FBXO38: variants seen among roughly 807,000 people sequenced by gnomAD.
FBXO38 encodes F-box only protein 38.
In FBXO38, 53 loss-of-function variants were observed where a neutral mutation model predicts 131.9. That is an observed-to-expected ratio of 0.40 (90% CI 0.32 to 0.51). FBXO38 has a LOEUF of 0.51. FBXO38 is among the 20% of genes least tolerant of loss of function. The pLI, the probability that FBXO38 is intolerant of heterozygous loss-of-function variation, is 0.53. For synonymous variants in FBXO38, 452 were observed against 505.6 expected, an observed-to-expected ratio of 0.89 and a Z score of 1.42; for missense variants, 1,076 against 1,475.6, an observed-to-expected ratio of 0.73 and a Z score of 4.44.
chr5:148,393,515 T>A (rs775337099), intron 1 of FBXO38, among the ~76,000 whole-genome samples: 1 of 152,134 alleles, frequency 6.6e-6, no homozygotes, highest in Non-Finnish European at 1.5e-5. Context: ...CAATTGTCTT[T>A]CCCTCAGGAG....
intron 1 of FBXO38, among the ~76,000 whole-genome samples, chr5:148,385,840 A>T (rs1434298324): frequency 6.6e-6 from 1 of 152,180 alleles, no homozygotes; most frequent in Admixed American, 6.5e-5. Context: ...GAGAAACTTG[A>T]AGGGCAGGGA....
Position 148,442,062 on chromosome 5 carries a change from A to C in FBXO38, c.3482A>C (p.Lys1161Thr), listed in dbSNP as rs997254848. The change falls in exon 22 of 22, where the codon AAG (lysine) becomes ACG (threonine). Residue 1161 changes from lysine (K) to threonine (T), a missense_variant. By Grantham distance (78) the Lys-to-Thr change is moderately conservative (BLOSUM62 -1). This residue lies in a region of FBXO38 where 282 missense variants were observed against 418.8 expected (regional missense o/e 0.67). Transcript: ENST00000340253. The stretch of plus-strand genomic sequence containing the variant: ...GAAATTTCAGAGATGCGTCAGATGA[A>C]GAAGGGTGTATTTCAGCGAGTAGTG... ...GEEISEMRQM[K>T]KGVFQRVVAI... The C allele has an allele frequency of 1.9e-6, 3 of 1,614,004 alleles. No homozygotes were observed. The highest frequency in any genetic ancestry group is 1.3e-5 in the African/African-American group (1 of 74,924).
chr5:148,392,423 G>C (rs570633524), intron 1 of FBXO38, among the ~76,000 whole-genome samples: 1 of 152,230 alleles, frequency 6.6e-6, no homozygotes, highest in South Asian at 2.1e-4. Context: ...TGGGGAGGGG[G>C]AGGGTTCGTG....
chr5:148,429,577 T>C (rs1333738735), intron 15 of FBXO38, among the ~76,000 whole-genome samples: 1 of 152,230 alleles, frequency 6.6e-6, no homozygotes, highest in African/African-American at 2.4e-5. Flanking sequence ...GTAATATTTT[T>C]ATCAAGTTCC....
Position 148,413,645 on chromosome 5 carries a change from G to A in FBXO38, c.1094-491G>A, listed in dbSNP as rs913981623. ...TTTGAGTTAGAAGTGCACTTTTAGGGTATAGATAGATGTTACTAACCAGTG... is the reference window on the plus strand; with the variant it reads ...TTTGAGTTAGAAGTGCACTTTTAGGATATAGATAGATGTTACTAACCAGTG... On this transcript the variant is annotated intron_variant, in intron 9 of 21. Transcript: ENST00000340253. The A allele has an allele frequency of 3.3e-5, 5 of 152,312 alleles. No homozygotes were observed. The East Asian group carries it at 5.8e-4, about 18-fold the overall frequency. 9.4% of individuals were successfully genotyped at this position (152,312 alleles called of 1,614,324 possible).
chr5:148,399,261 C>A, intron 3 of FBXO38, 129 bp downstream of exon 3: 1 of 1,023,924 alleles, frequency 9.8e-7, no homozygotes, highest in Non-Finnish European at 1.4e-6. Flanking sequence ...AAGATTTTGT[C>A]TAAATTATTT....
Position 148,404,682 on chromosome 5 carries a change from T to C in FBXO38, c.593-3T>C. 6.4e-7 allele frequency: 1 copy of C among 1,564,204 alleles called. No homozygotes were observed. Among genetic ancestry groups the C allele is most frequent in the Non-Finnish European group, 8.6e-7 (1 of 1,158,904 alleles). On this transcript the variant is annotated splice_polypyrimidine_tract_variant and splice_region_variant and intron_variant, in intron 5 of 21. Transcript: ENST00000340253. Reference sequence around the variant, plus strand: ...TTTGTTCTTTTTTATATTTGTGTTTTAGGGGTGAATGTTCCTGAAATTCCT... The same window carrying C: ...TTTGTTCTTTTTTATATTTGTGTTTCAGGGGTGAATGTTCCTGAAATTCCT...
chr5:148,428,222 A>G (rs1753834570), intron 15 of FBXO38, among the ~76,000 whole-genome samples: 1 of 152,202 alleles, frequency 6.6e-6, no homozygotes, highest in South Asian at 2.1e-4. Context: ...ACACTGACTG[A>G]CACCTAAGCC....
At chr5:148,404,873 T>C in intron 6 of FBXO38, 51 bp downstream of exon 6, 1 of 1,508,602 alleles carries the variant, frequency 6.6e-7, no homozygotes, top group East Asian at 2.4e-5. Flanking sequence ...TCTAAAAATA[T>C]CCTGAAGCAA....
chr5:148,442,036 G>A lies in FBXO38; in HGVS notation c.3456G>A (p.Glu1152=), dbSNP rs1314390167. The A allele has an allele frequency of 1.7e-5, 28 of 1,613,980 alleles. No individual in the cohort carries two copies. Among genetic ancestry groups the A allele is most frequent in the Non-Finnish European group, 1.9e-5 (22 of 1,179,956 alleles). Residue 1152 remains glutamate (E), a synonymous_variant, in exon 22 of 22, where the codon GAG becomes GAA. Coordinates refer to ENST00000340253, the MANE Select transcript of FBXO38 (RefSeq NM_205836.3). ...ACATCTGTATGGAAACAATAGGAGAGGAAATTTCAGAGATGCGTCAGATGA... is the reference window on the plus strand; with the variant it reads ...ACATCTGTATGGAAACAATAGGAGAAGAAATTTCAGAGATGCGTCAGATGA... ...SADICMETIG[E]EISEMRQMKK... is the part of the protein sequence containing the mutation.
chr5:148,411,605 T>C (rs114436885), intron 9 of FBXO38, among the ~76,000 whole-genome samples: 1,943 of 152,238 alleles, frequency 0.013, 39 homozygotes, highest in African/African-American at 0.045. Context: ...TTCTAATATA[T>C]ATTACAATAA....
intron 1 of FBXO38, among the ~76,000 whole-genome samples, chr5:148,391,610 A>G (rs1420561969): frequency 6.6e-6 from 1 of 152,220 alleles, no homozygotes; most frequent in Non-Finnish European, 1.5e-5. Flanking sequence ...GTATACTGAG[A>G]GCAAGTGGTA....
In FBXO38 at chr5:148,425,586, T is replaced by G. The variant is rs1753668236; in HGVS notation, c.1803T>G (p.Asp601Glu). Residue 601 changes from aspartate (D) to glutamate (E), a missense_variant, in exon 14 of 22, where the codon GAT becomes GAG. Coordinates refer to ENST00000340253, the MANE Select transcript of FBXO38 (RefSeq NM_205836.3). ...TSITVHDSES[D>E]DEEDSLELQE... ...TTACTGTTCATGATTCAGAGAGTGA[T>G]GATGAAGAAGATAGTCTAGAACTCC... 1 of 1,613,606 alleles carries G rather than the reference T, an allele frequency of 6.2e-7. No individual in the cohort carries two copies. The highest frequency in any genetic ancestry group is 1.3e-5 in the African/African-American group (1 of 75,004).
In FBXO38 at chr5:148,410,629, T is replaced by A. The variant is rs1378918351; in HGVS notation, c.963-6T>A. 1 of 1,613,898 alleles carries A rather than the reference T, an allele frequency of 6.2e-7. No homozygotes were observed. Among genetic ancestry groups the A allele is most frequent in the Admixed American group, 1.7e-5 (1 of 59,952 alleles). On this transcript the variant is annotated splice_polypyrimidine_tract_variant and splice_region_variant and intron_variant, in intron 8 of 21. Coordinates refer to ENST00000340253, the MANE Select transcript of FBXO38 (RefSeq NM_205836.3). ...ACTCTGATATGTTCTCTGTCTTTAT[T>A]CACAGGTTACATGAAGTTCGGATCC... is the stretch of plus-strand genomic sequence containing the variant.
chr5:148,432,452 G>T (rs1754088644), intron 15 of FBXO38, among the ~76,000 whole-genome samples: 1 of 152,134 alleles, frequency 6.6e-6, no homozygotes, highest in Admixed American at 6.5e-5. Flanking sequence ...AGATTTCCTG[G>T]GTTTGACTCC....
In FBXO38 at chr5:148,409,928, A is replaced by C. The variant is rs912913557; in HGVS notation, c.963-707A>C. ...AATAGCTAGCCTAAGCAAAATGTCA[A>C]ATACCAGCACCAGATGCAGATTCTC... On this transcript the variant is annotated intron_variant, in intron 8 of 21. Transcript: ENST00000340253. Among the ~76,000 whole-genome samples, 10 of 152,340 alleles carry C rather than the reference A, an allele frequency of 6.6e-5. No individual in the cohort carries two copies. The South Asian group carries it at 2.1e-3, about 32-fold the overall frequency.
Position 148,427,764 on chromosome 5 carries a change from G to A in FBXO38, c.2470G>A (p.Gly824Arg), listed in dbSNP as rs762759601. 4 of 1,612,126 alleles carry A rather than the reference G, an allele frequency of 2.5e-6. No homozygotes were observed. The highest frequency in any genetic ancestry group is 1.3e-5 in the African/African-American group (1 of 74,926). The change falls in exon 15 of 22, where the codon GGG becomes AGG. Residue 824 changes from glycine to arginine, a missense_variant. Gly to Arg is a moderately radical substitution (Grantham distance 125). This residue lies in a region of FBXO38 where 213 missense variants were observed against 225.2 expected (regional missense o/e 0.95). Coordinates refer to ENST00000340253, the MANE Select transcript of FBXO38 (RefSeq NM_205836.3). ...AFSFRTLPQG[G>R]SSGPAHDERT... ...TTCCTTTAGGACTCTGCCACAAGGG[G>A]GGTCTTCAGGCCCAGCACATGATGA...
intron 9 of FBXO38, among the ~76,000 whole-genome samples, chr5:148,411,484 A>T (rs1752750219): frequency 6.6e-6 from 1 of 152,176 alleles, no homozygotes; most frequent in Non-Finnish European, 1.5e-5. Flanking sequence ...TCTCATCCTC[A>T]TAGCAGATAA....
At chr5:148,414,676 A>T (rs1386460436) in intron 10 of FBXO38, among the ~76,000 whole-genome samples, 1 of 152,196 alleles carries the variant, frequency 6.6e-6, no homozygotes, top group Non-Finnish European at 1.5e-5. Flanking sequence ...CTGAAAGGAC[A>T]AAGTAGGTAT....
Sources: gnomAD v4.1 joint callset for allele counts (sites outside exome capture counted in the v4.1 genomes callset) on GRCh38, gnomAD v4.1.1 for gene constraint, gnomAD v4.1.1 regional missense constraint, MANE v1.5 for transcripts, NCBI Gene and HGNC (gene_info 2026-07-23, HGNC 2026-07-21) for gene names.